AMD1: variants seen among roughly 807,000 people sequenced by gnomAD.
AMD1 encodes adenosylmethionine decarboxylase 1, also known as S-adenosylmethionine decarboxylase proenzyme.
A neutral mutation model predicts 40.2 loss-of-function variants in AMD1; 11 were observed. The ratio of observed to expected loss-of-function variants is 0.27; its 90% CI spans 0.17 to 0.45. AMD1 has a LOEUF of 0.45. AMD1 is among the 20% of genes least tolerant of loss of function. The probability of loss-of-function intolerance (pLI) is 1.00; values close to 1 mark genes in which losing one functional copy is unlikely to be tolerated. For missense variants in AMD1, 257 were observed against 410.2 expected (o/e 0.63, Z 3.23); for synonymous variants, 121 against 130.8 (o/e 0.93, Z 0.51).
the AMD1 span, among the ~76,000 whole-genome samples, chr6:110,869,655 G>A: frequency 6.6e-6 from 1 of 150,738 alleles, no homozygotes; most frequent in African/African-American, 2.4e-5. Context: ...GATTATAGGC[G>A]TGCTCCACCA....
intron 1 of AMD1, among the ~76,000 whole-genome samples, chr6:110,885,210 G>C (rs1240570986): frequency 6.6e-6 from 1 of 151,938 alleles, no homozygotes; most frequent in African/African-American, 2.4e-5. Context: ...TCCATCTCCC[G>C]CATTCAGTCT....
chr6:110,817,393 A>C, the AMD1 span, among the ~76,000 whole-genome samples: 2 of 152,146 alleles, frequency 1.3e-5, no homozygotes, highest in African/African-American at 4.8e-5. Flanking sequence ...GTGGATCACG[A>C]GGTCTGGAGT....
At chr6:110,889,303 T>G (rs1785878396) in intron 3 of AMD1, 1 of 179,286 alleles carries the variant, frequency 5.6e-6, no homozygotes. Context: ...AAAATGTCGT[T>G]ACTGAAATTG....
At chr6:110,865,307 T>G in the AMD1 span, among the ~76,000 whole-genome samples, 1 of 152,262 alleles carries the variant, frequency 6.6e-6, no homozygotes, top group Non-Finnish European at 1.5e-5. Flanking sequence ...ATATTATTCT[T>G]AAATGTTTGT....
At chr6:110,869,488 A>C in the AMD1 span, among the ~76,000 whole-genome samples, 1 of 143,508 alleles carries the variant, frequency 7.0e-6, no homozygotes, top group Non-Finnish European at 1.5e-5. Flanking sequence ...GTATCTTTAC[A>C]TGATGTTTTA....
At chr6:110,851,587 T>G in the AMD1 span, among the ~76,000 whole-genome samples, 2 of 151,884 alleles carry the variant, frequency 1.3e-5, no homozygotes, top group Non-Finnish European at 2.9e-5. Flanking sequence ...CTCAGCCTCC[T>G]GAGTGGCTGG....
At chr6:110,886,125 C>T (rs975428100) in intron 1 of AMD1, among the ~76,000 whole-genome samples, 3 of 151,100 alleles carry the variant, frequency 2.0e-5, no homozygotes, top group South Asian at 2.1e-4. Flanking sequence ...TGTGGTGGCA[C>T]GTGCCTGTAA....
At chr6:110,860,211 A>C in the AMD1 span, among the ~76,000 whole-genome samples, 1 of 151,110 alleles carries the variant, frequency 6.6e-6, no homozygotes, top group African/African-American at 2.4e-5. Context: ...CCCTGGCCAC[A>C]CGCCCCACCG....
chr6:110,865,538 C>T, the AMD1 span, among the ~76,000 whole-genome samples: 4 of 151,804 alleles, frequency 2.6e-5, no homozygotes, highest in African/African-American at 9.7e-5. Context: ...GGATTATAGG[C>T]GTGTGCCACC....
the AMD1 span, among the ~76,000 whole-genome samples, chr6:110,822,501 T>G: frequency 3.9e-5 from 6 of 152,178 alleles, no homozygotes; most frequent in African/African-American, 1.4e-4. Flanking sequence ...CCAATCCTAC[T>G]GAACCAATTC....
At chr6:110,833,493 A>G in the AMD1 span, among the ~76,000 whole-genome samples, 2 of 152,366 alleles carry the variant, frequency 1.3e-5, no homozygotes, top group Admixed American at 1.3e-4. Context: ...AAGTCTGGAG[A>G]AAGAATTGCA....
chr6:110,843,025 C>T, the AMD1 span, among the ~76,000 whole-genome samples: 4 of 151,892 alleles, frequency 2.6e-5, no homozygotes, highest in South Asian at 2.1e-4. Context: ...CCCAGCTACT[C>T]GGGAGGCTGA....
At chr6:110,853,971 C>G in the AMD1 span, among the ~76,000 whole-genome samples, 1 of 152,228 alleles carries the variant, frequency 6.6e-6, no homozygotes, top group Non-Finnish European at 1.5e-5. Context: ...CTGCCCTGCT[C>G]TCCCAGCTCT....
chr6:110,876,976 G>C (rs1296399126), intron 1 of AMD1, among the ~76,000 whole-genome samples: 1 of 152,230 alleles, frequency 6.6e-6, no homozygotes, highest in African/African-American at 2.4e-5. Context: ...CGGTTTGGCT[G>C]TTTAGAGCTT....
intron 2 of AMD1, 132 bp from the exon 3 acceptor site, chr6:110,888,725 T>C: frequency 1.2e-6 from 1 of 828,908 alleles, no homozygotes; most frequent in Non-Finnish European, 1.9e-6. Flanking sequence ...AAGAATAATG[T>C]GTTACTTGCT....
chr6:110,847,708 G>T, the AMD1 span, among the ~76,000 whole-genome samples: 8 of 141,640 alleles, frequency 5.6e-5, no homozygotes, highest in East Asian at 9.3e-4. Flanking sequence ...TTTGTTTTTT[G>T]TTTTTTGTTT....
chr6:110,849,170 T>C, the AMD1 span, among the ~76,000 whole-genome samples: 2 of 152,242 alleles, frequency 1.3e-5, no homozygotes, highest in Non-Finnish European at 2.9e-5. Context: ...ACATGGTATC[T>C]GGAGTTAAAG....
the AMD1 span, among the ~76,000 whole-genome samples, chr6:110,823,335 T>G: frequency 7.2e-5 from 11 of 152,272 alleles, no homozygotes; most frequent in East Asian, 1.2e-3. Flanking sequence ...ATGCCCACTT[T>G]CACTTCTTCT....
At chr6:110,877,710 T>A (rs571714368) in intron 1 of AMD1, among the ~76,000 whole-genome samples, 1 of 152,266 alleles carries the variant, frequency 6.6e-6, no homozygotes, top group Admixed American at 6.5e-5. Flanking sequence ...GTACGTAAAC[T>A]GTTATCTTTA....
Sources: allele counts gnomAD v4.1 joint callset (sites outside exome capture counted in the v4.1 genomes callset), GRCh38; gene constraint gnomAD v4.1.1; transcripts MANE v1.5; gene names NCBI Gene and HGNC (gene_info 2026-07-23, HGNC 2026-07-21).